FAM81A: variants seen among roughly 807,000 people sequenced by gnomAD.
FAM81A encodes the protein protein FAM81A.
FAM81A carries 19 observed loss-of-function variants against 46.7 expected under a neutral mutation model. That is an observed-to-expected ratio of 0.41 (90% CI 0.28 to 0.60). FAM81A has a LOEUF of 0.60. FAM81A is among the 20% of genes least tolerant of loss of function. FAM81A has a pLI of 0.34. For missense variants in FAM81A, 377 were observed against 453.5 expected (o/e 0.83, Z 1.53); for synonymous variants, 183 against 152.9 (o/e 1.20, Z -1.45).
intron 3 of FAM81A, among the ~76,000 whole-genome samples, chr15:59,474,485 C>G (rs1366171431): frequency 6.6e-6 from 1 of 152,104 alleles, no homozygotes; most frequent in Non-Finnish European, 1.5e-5. Context: ...CAGAGTGGAC[C>G]TCCTCCCATA....
At chr15:59,452,759 T>G (rs1410234462) in intron 1 of FAM81A, among the ~76,000 whole-genome samples, 2 of 152,132 alleles carry the variant, frequency 1.3e-5, no homozygotes, top group Non-Finnish European at 2.9e-5. Flanking sequence ...TGAAGTATTA[T>G]TATATTATAT....
intron 3 of FAM81A, among the ~76,000 whole-genome samples, chr15:59,489,390 A>T (rs2081959041): frequency 6.6e-6 from 1 of 152,280 alleles, no homozygotes; most frequent in East Asian, 1.9e-4. Flanking sequence ...TAAAACATTG[A>T]TGTGAGAAAT....
At chr15:59,480,931 A>T (rs1044648965) in intron 3 of FAM81A, among the ~76,000 whole-genome samples, 1 of 152,204 alleles carries the variant, frequency 6.6e-6, no homozygotes, top group Non-Finnish European at 1.5e-5. Flanking sequence ...TAGTAACATG[A>T]ATACTTTGTT....
intron 2 of FAM81A, among the ~76,000 whole-genome samples, chr15:59,404,433 T>C (rs531713042): frequency 4.3e-4 from 66 of 152,232 alleles, no homozygotes; most frequent in African/African-American, 1.5e-3. Context: ...TGGAATCCTG[T>C]AGCAGTTTGG....
At chr15:59,519,435 C>T (rs967189959) in intron 8 of FAM81A, among the ~76,000 whole-genome samples, 17 of 151,900 alleles carry the variant, frequency 1.1e-4, no homozygotes, top group Non-Finnish European at 1.5e-4. Context: ...GTAATCCACC[C>T]GCCTCGGCCT....
intron 6 of FAM81A, among the ~76,000 whole-genome samples, chr15:59,513,534 C>T (rs539384084): frequency 1.3e-4 from 20 of 152,318 alleles, no homozygotes; most frequent in South Asian, 4.1e-4. Context: ...TGTATTCTCC[C>T]GCCTTACCAG....
chr15:59,466,348 C>T (rs1411207116), intron 3 of FAM81A, among the ~76,000 whole-genome samples: 2 of 152,212 alleles, frequency 1.3e-5, no homozygotes. Flanking sequence ...CCTATTTCTC[C>T]ACATCCTTGC....
At chr15:59,510,821 A>G (rs2082200178) in intron 6 of FAM81A, among the ~76,000 whole-genome samples, 1 of 144,522 alleles carries the variant, frequency 6.9e-6, no homozygotes, top group Non-Finnish European at 1.5e-5. Flanking sequence ...CTCAAAGTGT[A>G]CTAATAAAAC....
intron 3 of FAM81A, among the ~76,000 whole-genome samples, chr15:59,469,012 G>A (rs1457718947): frequency 1.3e-5 from 2 of 152,202 alleles, no homozygotes; most frequent in African/African-American, 2.4e-5. Flanking sequence ...ACATGTAGTT[G>A]TGCAGTTTTG....
At chr15:59,427,658 T>C (rs184973034) in intron 2 of FAM81A, among the ~76,000 whole-genome samples, 212 of 152,308 alleles carry the variant, frequency 1.4e-3, no homozygotes, top group African/African-American at 4.6e-3. Context: ...ACATGCAAAG[T>C]TTGTCTTTCT....
intron 2 of FAM81A, among the ~76,000 whole-genome samples, chr15:59,403,540 G>A (rs1313752188): frequency 6.6e-6 from 1 of 152,186 alleles, no homozygotes; most frequent in East Asian, 1.9e-4. Context: ...ATACATTTAT[G>A]TTGCTTAAGA....
At chr15:59,424,535 A>G (rs1187502369) in intron 2 of FAM81A, among the ~76,000 whole-genome samples, 1 of 152,202 alleles carries the variant, frequency 6.6e-6, no homozygotes, top group Non-Finnish European at 1.5e-5. Context: ...GTTTTTTCCT[A>G]GAAGTTGGTA....
chr15:59,446,576 T>C (rs1450437122), intron 1 of FAM81A: 2 of 152,204 alleles, frequency 1.3e-5, no homozygotes, highest in East Asian at 3.8e-4. Context: ...ATTCCCTTTA[T>C]GAATGTGATA....
At position 59,470,709 on chromosome 15, in the gene FAM81A, A is replaced by G. The variant is rs1026773045; in HGVS notation, c.294+10503A>G. Among the ~76,000 whole-genome samples, 12 of 152,122 alleles carry G rather than the reference A, an allele frequency of 7.9e-5. No homozygotes were observed. In the East Asian group the frequency reaches 1.9e-3, roughly 24 times the overall value. On this transcript the variant is annotated intron_variant, in intron 3 of 8. Coordinates refer to ENST00000288228, the MANE Select transcript of FAM81A (RefSeq NM_152450.3). Reference sequence around the variant, plus strand: ...GACCTTCTGAAGCCTACTTCTGTCAACTCATCAAGGTCATTCTCCATCCAG... The same window carrying G: ...GACCTTCTGAAGCCTACTTCTGTCAGCTCATCAAGGTCATTCTCCATCCAG...
intron 3 of FAM81A, among the ~76,000 whole-genome samples, chr15:59,491,817 T>C (rs1464395618): frequency 6.6e-6 from 1 of 151,964 alleles, no homozygotes; most frequent in Non-Finnish European, 1.5e-5. Flanking sequence ...AATGCAAAAC[T>C]TAGCCAGGTG....
intron 3 of FAM81A, among the ~76,000 whole-genome samples, chr15:59,462,889 A>G (rs2141652733): frequency 6.6e-6 from 1 of 152,312 alleles, no homozygotes; most frequent in East Asian, 1.9e-4. Flanking sequence ...TAACTTATGA[A>G]AGTTTTTATG....
At chr15:59,446,983 G>A (rs2081360505) in intron 1 of FAM81A, among the ~76,000 whole-genome samples, 1 of 152,104 alleles carries the variant, frequency 6.6e-6, no homozygotes, top group Non-Finnish European at 1.5e-5. Flanking sequence ...GTCATTCACT[G>A]GTTCATTCTT....
At chr15:59,494,285 G>A (rs759033141) in intron 4 of FAM81A, among the ~76,000 whole-genome samples, 4 of 152,154 alleles carry the variant, frequency 2.6e-5, no homozygotes, top group Non-Finnish European at 5.9e-5. Context: ...CGAGCTATAG[G>A]ACAGAGTAGG....
chr15:59,421,189 T>C (rs1223597117), intron 2 of FAM81A, among the ~76,000 whole-genome samples: 1 of 152,196 alleles, frequency 6.6e-6, no homozygotes, highest in Non-Finnish European at 1.5e-5. Context: ...TTCCTAACAG[T>C]AGAGGGGCTC....
Sources: gnomAD v4.1 joint callset for allele counts (sites outside exome capture counted in the v4.1 genomes callset) on GRCh38, gnomAD v4.1.1 for gene constraint, MANE v1.5 for transcripts, NCBI Gene and HGNC (gene_info 2026-07-23, HGNC 2026-07-21) for gene names.